The following UBE2R2 variants were observed in gnomAD, a reference collection of about 807,000 sequenced individuals.
UBE2R2 encodes the protein ubiquitin conjugating enzyme E2 R2.
UBE2R2 carries 1 observed loss-of-function variant against 27.8 expected under a neutral mutation model. That is an observed-to-expected ratio of 0.04 (90% CI 0.01 to 0.17). The LOEUF (loss-of-function observed/expected upper bound fraction) is 0.17. Ranked by LOEUF, UBE2R2 falls within the 10% of genes least tolerant of loss-of-function variation. The probability of loss-of-function intolerance (pLI) is 1.00; values close to 1 mark genes in which losing one functional copy is unlikely to be tolerated. For synonymous variants in UBE2R2, 106 were observed against 113.3 expected (o/e 0.94, Z 0.41); for missense variants, 100 against 291.0 (o/e 0.34, Z 4.78).
chr9:33,817,752 GC>G lies in UBE2R2; in HGVS notation c.-4del. 1 of 1,511,584 alleles carries G rather than the reference GC, an allele frequency of 6.6e-7. No homozygotes were observed. Among genetic ancestry groups the G allele is most frequent in the Non-Finnish European group, 8.9e-7 (1 of 1,129,802 alleles). The allele number at this position is 1,511,584 out of a possible 1,614,324, so 93.6% of individuals were successfully genotyped here. Reference sequence around the variant, plus strand: ...GCCCGGCGCCGCCGCCGCCGCCGCCGCCGCGATGGCCCAGCAGCAGATGACC... The same window carrying G: ...GCCCGGCGCCGCCGCCGCCGCCGCCGCGCGATGGCCCAGCAGCAGATGACC... On this transcript the variant is annotated 5_prime_UTR_variant, in exon 1 of 5. Transcript: ENST00000263228.
At chr9:33,876,159 C>T (rs916969025) in intron 1 of UBE2R2, among the ~76,000 whole-genome samples, 4 of 152,010 alleles carry the variant, frequency 2.6e-5, no homozygotes, top group Non-Finnish European at 5.9e-5. Flanking sequence ...GTCAGGAGTT[C>T]GAGACCAGCC....
At chr9:33,912,264 C>G in intron 4 of UBE2R2, among the ~76,000 whole-genome samples, 166 bp downstream of exon 4, 1 of 152,084 alleles carries the variant, frequency 6.6e-6, no homozygotes. Context: ...AAGAACTTTG[C>G]TGTTTACCGA....
intron 2 of UBE2R2, among the ~76,000 whole-genome samples, chr9:33,896,341 G>T (rs1822104125): frequency 6.6e-6 from 1 of 152,072 alleles, no homozygotes. Flanking sequence ...ATGTTAAATA[G>T]CAGTGGTGAA....
In UBE2R2 at chr9:33,825,604, T is replaced by G. The variant is rs1820299094; in HGVS notation, c.177+7670T>G. Among the ~76,000 whole-genome samples, 3 of 152,264 alleles carry G rather than the reference T, an allele frequency of 2.0e-5. No homozygotes were observed. The South Asian group carries it at 6.2e-4, about 32-fold the overall frequency. ...ATTTTTCAACATAATGATAAAATGT[T>G]CTGTTCCATCTTTCCAACTTAATGG... is the stretch of plus-strand genomic sequence containing the variant. On this transcript the variant is annotated intron_variant, in intron 1 of 4. Transcript: ENST00000263228.
At chr9:33,827,051 G>A (rs984415403) in intron 1 of UBE2R2, among the ~76,000 whole-genome samples, 32 of 152,196 alleles carry the variant, frequency 2.1e-4, no homozygotes, top group Non-Finnish European at 2.9e-5. Flanking sequence ...GCAGTGAGCC[G>A]AGATCGCGCC....
At chr9:33,845,854 A>G (rs1384868380) in intron 1 of UBE2R2, among the ~76,000 whole-genome samples, 1 of 151,446 alleles carries the variant, frequency 6.6e-6, no homozygotes, top group East Asian at 2.0e-4. Context: ...CTAAAAATAC[A>G]AAAATTGGCT....
At chr9:33,893,162 G>C (rs1822025939) in intron 2 of UBE2R2, among the ~76,000 whole-genome samples, 1 of 152,164 alleles carries the variant, frequency 6.6e-6, no homozygotes, top group Non-Finnish European at 1.5e-5. Context: ...CCTCTATGTA[G>C]TGGTAAAGCG....
intron 1 of UBE2R2, among the ~76,000 whole-genome samples, chr9:33,835,756 A>G (rs1334179503): frequency 6.6e-6 from 1 of 150,598 alleles, no homozygotes; most frequent in Non-Finnish European, 1.5e-5. Flanking sequence ...GGTGGCACGC[A>G]CCTGTAGTCC....
At chr9:33,820,007 T>A (rs1012709034) in intron 1 of UBE2R2, among the ~76,000 whole-genome samples, 1 of 152,222 alleles carries the variant, frequency 6.6e-6, no homozygotes, top group African/African-American at 2.4e-5. Context: ...AAAGTTTGAT[T>A]TCCAAAAAGT....
At chr9:33,876,021 C>G (rs549068759) in intron 1 of UBE2R2, among the ~76,000 whole-genome samples, 6 of 152,262 alleles carry the variant, frequency 3.9e-5, no homozygotes, top group African/African-American at 1.4e-4. Flanking sequence ...TGAGGTAATA[C>G]ATAGGTAACT....
At chr9:33,872,931 T>G (rs1821518837) in intron 1 of UBE2R2, among the ~76,000 whole-genome samples, 1 of 152,108 alleles carries the variant, frequency 6.6e-6, no homozygotes, top group Non-Finnish European at 1.5e-5. Context: ...TCCCAGCACT[T>G]TAGGAGGCTG....
At chr9:33,816,714 A>G (rs773274396), upstream of UBE2R2, among the ~76,000 whole-genome samples, 6 of 152,196 alleles carry the variant, frequency 3.9e-5, no homozygotes, top group Non-Finnish European at 8.8e-5. Flanking sequence ...GGGACCGCAG[A>G]CTGGGTGTCA....
At chr9:33,830,443 C>T (rs1405600543) in intron 1 of UBE2R2, among the ~76,000 whole-genome samples, 2 of 150,214 alleles carry the variant, frequency 1.3e-5, no homozygotes, top group African/African-American at 4.9e-5. Flanking sequence ...AGGCATGAGC[C>T]ACTGCGCCCG....
At chr9:33,867,323 A>C (rs1256071219) in intron 1 of UBE2R2, among the ~76,000 whole-genome samples, 1 of 152,138 alleles carries the variant, frequency 6.6e-6, no homozygotes, top group Non-Finnish European at 1.5e-5. Flanking sequence ...TGACTCTTCC[A>C]CTTCATCCAT....
intron 1 of UBE2R2, among the ~76,000 whole-genome samples, chr9:33,850,314 A>T (rs1411212700): frequency 6.6e-6 from 1 of 152,198 alleles, no homozygotes; most frequent in Non-Finnish European, 1.5e-5. Flanking sequence ...CTTAGGAGTT[A>T]GGGATGCCCA....
intron 1 of UBE2R2, among the ~76,000 whole-genome samples, chr9:33,857,353 C>G (rs938023776): frequency 2.0e-5 from 3 of 152,048 alleles, no homozygotes; most frequent in Admixed American, 1.3e-4. Context: ...GAGTCTCACT[C>G]TGTTGCCCAG....
chr9:33,896,392 C>CT (rs1434467499), intron 2 of UBE2R2, among the ~76,000 whole-genome samples: 1 of 151,736 alleles, frequency 6.6e-6, no homozygotes, highest in Non-Finnish European at 1.5e-5. Flanking sequence ...AGGAGTAAAG[C>CT]TTTTAGTCTT....
Position 33,817,942 on chromosome 9 carries a change from C to CA in UBE2R2, c.177+9dup. ...GAAGGCGGCTACTTCAAGGTACCCTCACCCTCCTCCCGGACCCTGCTTCCG... is the reference window on the plus strand; with the variant it reads ...GAAGGCGGCTACTTCAAGGTACCCTCAACCCTCCTCCCGGACCCTGCTTCCG... On this transcript the variant is annotated intron_variant, in intron 1 of 4. Transcript: ENST00000263228. 2 of 1,603,210 alleles carry CA rather than the reference C, an allele frequency of 1.2e-6. No homozygotes were observed. The highest frequency in any genetic ancestry group is 8.5e-7 in the Non-Finnish European group (1 of 1,174,580).
At chr9:33,830,583 A>G (rs1380811715) in intron 1 of UBE2R2, among the ~76,000 whole-genome samples, 3 of 151,482 alleles carry the variant, frequency 2.0e-5, no homozygotes, top group Non-Finnish European at 4.4e-5. Flanking sequence ...CCTGACCAAC[A>G]TCGTGAAACC....
Sources: gnomAD v4.1 joint callset for allele counts (sites outside exome capture counted in the v4.1 genomes callset) on GRCh38, gnomAD v4.1.1 for gene constraint, MANE v1.5 for transcripts, NCBI Gene and HGNC (gene_info 2026-07-23, HGNC 2026-07-21) for gene names.